MGMT: variants seen among roughly 807,000 people sequenced by gnomAD.
The protein encoded by MGMT is methylated-DNA--protein-cysteine methyltransferase.
A neutral mutation model predicts 15.9 loss-of-function variants in MGMT; 14 were observed. That is an observed-to-expected ratio of 0.88 (90% CI 0.58 to 1.37). MGMT has a LOEUF of 1.37. Ranked by LOEUF, MGMT falls within the 40% of genes most tolerant of loss-of-function variation. The pLI is 0.00. For synonymous variants in MGMT, 130 were observed against 118.2 expected (o/e 1.10, Z -0.65); for missense variants, 282 against 268.1 (o/e 1.05, Z -0.36).
At chr10:129,540,796 G>A (rs1846034540) in intron 2 of MGMT, among the ~76,000 whole-genome samples, 1 of 152,216 alleles carries the variant, frequency 6.6e-6, no homozygotes, top group Admixed American at 6.5e-5. Flanking sequence ...ATGCACCTTG[G>A]ATGCCATCTG....
At chr10:129,507,367 G>A (rs1481109548) in intron 1 of MGMT, among the ~76,000 whole-genome samples, 1 of 152,194 alleles carries the variant, frequency 6.6e-6, no homozygotes, top group South Asian at 2.1e-4. Context: ...CAGTGGTCTT[G>A]TCTGGTGGCA....
chr10:129,660,155 C>T (rs941829354), intron 2 of MGMT, among the ~76,000 whole-genome samples: 1 of 152,140 alleles, frequency 6.6e-6, no homozygotes, highest in Non-Finnish European at 1.5e-5. Flanking sequence ...TTTTCATCTC[C>T]CTGCCAATTG....
chr10:129,560,078 TA>T (rs1253137264), intron 2 of MGMT, among the ~76,000 whole-genome samples: 2 of 152,214 alleles, frequency 1.3e-5, no homozygotes, highest in Non-Finnish European at 2.9e-5. Flanking sequence ...GGTCAGTTGT[TA>T]AAAAGGCAGA....
At chr10:129,696,326 G>A (rs1279949445) in intron 2 of MGMT, among the ~76,000 whole-genome samples, 1 of 152,164 alleles carries the variant, frequency 6.6e-6, no homozygotes. Context: ...TATATCAGGG[G>A]GTGGGGAATG....
At chr10:129,655,165 T>G (rs1847510397) in intron 2 of MGMT, among the ~76,000 whole-genome samples, 1 of 152,084 alleles carries the variant, frequency 6.6e-6, no homozygotes, top group African/African-American at 2.4e-5. Context: ...CCAGCCAGTG[T>G]AGGGGTGGGA....
At chr10:129,468,407 T>A (rs1241005466) in intron 1 of MGMT, among the ~76,000 whole-genome samples, 2 of 152,118 alleles carry the variant, frequency 1.3e-5, no homozygotes, top group Non-Finnish European at 2.9e-5. Context: ...ACCCGGAGTC[T>A]GCCTGCAAGT....
At chr10:129,762,837 G>C (rs1038492592) in intron 4 of MGMT, among the ~76,000 whole-genome samples, 2 of 152,080 alleles carry the variant, frequency 1.3e-5, no homozygotes, top group Non-Finnish European at 2.9e-5. Context: ...AAGGTTGTCA[G>C]TGGAGCTGAA....
At chr10:129,749,703 C>T (rs573981137) in intron 3 of MGMT, among the ~76,000 whole-genome samples, 16 of 152,268 alleles carry the variant, frequency 1.1e-4, no homozygotes, top group Non-Finnish European at 1.9e-4. Flanking sequence ...AAACAGTCTT[C>T]CAAAGTGGCT....
chr10:129,699,234 CTT>C (rs1848067704), intron 2 of MGMT, among the ~76,000 whole-genome samples: 1 of 151,926 alleles, frequency 6.6e-6, no homozygotes, highest in Non-Finnish European at 1.5e-5. Flanking sequence ...TTTGGGTTGT[CTT>C]TTAAAAATAT....
At chr10:129,706,766 C>T (rs927103959) in intron 2 of MGMT, among the ~76,000 whole-genome samples, 2 of 152,170 alleles carry the variant, frequency 1.3e-5, no homozygotes. Flanking sequence ...ACCTCCCCTT[C>T]AGGGCCATGT....
chr10:129,475,402 G>A (rs186302320), intron 1 of MGMT, among the ~76,000 whole-genome samples: 2 of 152,322 alleles, frequency 1.3e-5, no homozygotes, highest in East Asian at 3.9e-4. Flanking sequence ...CATGAGAGGC[G>A]TGAGGCACGG....
At chr10:129,703,507 C>T (rs1214348450) in intron 2 of MGMT, among the ~76,000 whole-genome samples, 1 of 152,128 alleles carries the variant, frequency 6.6e-6, no homozygotes, top group Admixed American at 6.5e-5. Flanking sequence ...CCTGAGAAAC[C>T]CCATCTGCGG....
At chr10:129,524,817 C>T (rs1014616924) in intron 1 of MGMT, among the ~76,000 whole-genome samples, 6 of 151,466 alleles carry the variant, frequency 4.0e-5, no homozygotes, top group Admixed American at 2.0e-4. Flanking sequence ...GTCTGGATCT[C>T]CTGACCTCGT....
chr10:129,670,966 A>G lies in MGMT; in HGVS notation c.126-36929A>G, dbSNP rs1188845981. On this transcript the variant is annotated intron_variant, in intron 2 of 4. Transcript: ENST00000651593. ...CATTTGAGCTACACGTAGATTTACC[A>G]TTTTTATTCTTTTCATCCTTTCTGT... 2.0e-5 allele frequency among the ~76,000 whole-genome samples: 3 copies of G among 152,290 alleles called. No homozygotes were observed. The East Asian group carries it at 5.8e-4, about 29-fold the overall frequency.
chr10:129,631,161 T>C (rs76993386), intron 2 of MGMT, among the ~76,000 whole-genome samples: 1 of 151,938 alleles, frequency 6.6e-6, no homozygotes, highest in Non-Finnish European at 1.5e-5. Context: ...TTTTTTTTTT[T>C]GTTATTTTTG....
chr10:129,693,095 A>G (rs1223003774), intron 2 of MGMT, among the ~76,000 whole-genome samples: 1 of 152,212 alleles, frequency 6.6e-6, no homozygotes, highest in Non-Finnish European at 1.5e-5. Flanking sequence ...TTAATCTCTG[A>G]TGGATTATTC....
intron 2 of MGMT, among the ~76,000 whole-genome samples, chr10:129,678,282 A>C (rs1007747430): frequency 7.9e-6 from 1 of 126,048 alleles, no homozygotes; most frequent in African/African-American, 2.5e-5. Flanking sequence ...TTGTTTCTGC[A>C]CTTTCAGTTC....
intron 2 of MGMT, among the ~76,000 whole-genome samples, chr10:129,669,933 A>G (rs956223033): frequency 6.6e-6 from 1 of 152,206 alleles, no homozygotes; most frequent in African/African-American, 2.4e-5. Context: ...ATGTTTGATA[A>G]CAATAGTTGA....
intron 1 of MGMT, among the ~76,000 whole-genome samples, chr10:129,510,816 G>A (rs1243120848): frequency 6.8e-6 from 1 of 148,064 alleles, no homozygotes; most frequent in African/African-American, 2.5e-5. Flanking sequence ...ATGGGAACCC[G>A]GTATACTAGA....
Sources: gnomAD v4.1 joint callset for allele counts (sites outside exome capture counted in the v4.1 genomes callset) on GRCh38, gnomAD v4.1.1 for gene constraint, MANE v1.5 for transcripts, NCBI Gene and HGNC (gene_info 2026-07-23, HGNC 2026-07-21) for gene names.